PALLD: variants seen among roughly 807,000 people sequenced by gnomAD.
PALLD encodes palladin.
A neutral mutation model predicts 123.5 loss-of-function variants in PALLD; 61 were observed. That is an observed-to-expected ratio of 0.49 (90% CI 0.40 to 0.61). The LOEUF is 0.61. Ranked by LOEUF, PALLD falls within the 20% of genes least tolerant of loss-of-function variation. PALLD has a pLI of 0.00. For missense variants in PALLD, 1,273 were observed against 1,377.0 expected, an observed-to-expected ratio of 0.92 and a Z score of 1.20; for synonymous variants, 465 against 496.4, an observed-to-expected ratio of 0.94 and a Z score of 0.84.
At chr4:168,685,034 C>G (rs989202546) in intron 5 of PALLD, among the ~76,000 whole-genome samples, 7 of 152,144 alleles carry the variant, frequency 4.6e-5, no homozygotes, top group Admixed American at 1.3e-4. Context: ...CCCATAATCC[C>G]TATATCAAAA....
intron 3 of PALLD, among the ~76,000 whole-genome samples, chr4:168,675,944 T>C (rs1315777172): frequency 6.6e-6 from 1 of 152,044 alleles, no homozygotes; most frequent in Non-Finnish European, 1.5e-5. Flanking sequence ...TAGTCCCAGC[T>C]ACTTGGAAGG....
intron 6 of PALLD, among the ~76,000 whole-genome samples, chr4:168,689,248 G>C (rs1250187318): frequency 1.3e-5 from 2 of 152,048 alleles, no homozygotes; most frequent in Non-Finnish European, 2.9e-5. Context: ...ATTGGTTACA[G>C]AATTGGTTTT....
At chr4:168,696,289 A>G (rs540444013) in intron 8 of PALLD, among the ~76,000 whole-genome samples, 2 of 152,258 alleles carry the variant, frequency 1.3e-5, no homozygotes, top group Non-Finnish European at 2.9e-5. Context: ...CTGCTGGCCT[A>G]TGAACTTTAC....
At chr4:168,874,891 C>A (rs763859742) in intron 10 of PALLD, among the ~76,000 whole-genome samples, 3 of 151,834 alleles carry the variant, frequency 2.0e-5, no homozygotes, top group Non-Finnish European at 2.9e-5. Context: ...AGTGGGGAAT[C>A]GCTTAGATTT....
chr4:168,755,029 G>C (rs560886789), intron 10 of PALLD, among the ~76,000 whole-genome samples: 2 of 152,094 alleles, frequency 1.3e-5, no homozygotes, highest in African/African-American at 4.8e-5. Context: ...TCAGGAGATC[G>C]AGACCATCCT....
At chr4:168,809,854 A>G (rs1336492525) in intron 10 of PALLD, among the ~76,000 whole-genome samples, 1 of 134,598 alleles carries the variant, frequency 7.4e-6, no homozygotes, top group Non-Finnish European at 1.6e-5. Context: ...ACAGAGAGAG[A>G]CTCTGTCTCA....
intron 1 of PALLD, chr4:168,504,814 A>G (rs13113275): frequency 0.3 from 46,244 of 152,068 alleles, 7,480 homozygotes; most frequent in East Asian, 0.57. Flanking sequence ...AAATTTCAAA[A>G]TCTTTCAATG....
At chr4:168,639,036 T>C (rs1776630094) in intron 2 of PALLD, among the ~76,000 whole-genome samples, 1 of 152,194 alleles carries the variant, frequency 6.6e-6, no homozygotes, top group Non-Finnish European at 1.5e-5. Flanking sequence ...AAGGATCTTG[T>C]ACCTCTCCCC....
chr4:168,801,657 C>T (rs1353445254), intron 10 of PALLD, among the ~76,000 whole-genome samples: 3 of 152,168 alleles, frequency 2.0e-5, no homozygotes, highest in Non-Finnish European at 4.4e-5. Context: ...CGACCTGCCC[C>T]CAAGTCCCCC....
intron 1 of PALLD, among the ~76,000 whole-genome samples, chr4:168,508,613 G>T (rs1294087840): frequency 6.6e-6 from 1 of 151,992 alleles, no homozygotes; most frequent in African/African-American, 2.4e-5. Context: ...CTTTAGCACT[G>T]ATTTCAACAC....
At chr4:168,603,930 G>T (rs576719990) in intron 2 of PALLD, among the ~76,000 whole-genome samples, 1 of 152,336 alleles carries the variant, frequency 6.6e-6, no homozygotes, top group Admixed American at 6.5e-5. Flanking sequence ...TAGAAAGATA[G>T]TCTGCAGCAT....
At chr4:168,589,250 C>T (rs1771160305) in intron 2 of PALLD, among the ~76,000 whole-genome samples, 1 of 152,294 alleles carries the variant, frequency 6.6e-6, no homozygotes, top group East Asian at 1.9e-4. Flanking sequence ...ACAGCTGCAT[C>T]CACTGCAGGC....
chr4:168,897,572 A>G (rs572433380), intron 13 of PALLD, among the ~76,000 whole-genome samples: 2 of 152,158 alleles, frequency 1.3e-5, no homozygotes, highest in South Asian at 4.2e-4. Flanking sequence ...TCAGCCTCCC[A>G]AGTAGCTGGG....
Position 168,508,789 on chromosome 4 carries a change from C to A in PALLD, c.-82-2634C>A, listed in dbSNP as rs1165386442. Among the ~76,000 whole-genome samples the A allele has an allele frequency of 2.7e-5, 4 of 150,714 alleles. No homozygotes were observed. The East Asian group carries it at 7.8e-4, about 29-fold the overall frequency. ...CTACTTTCAGCCCCCGAGTCTCCCC[C>A]TCTCCACCTTCATGTCTCTTCTGGA... On this transcript the variant is annotated intron_variant, in intron 1 of 21. Coordinates refer to ENST00000505667, the MANE Select transcript of PALLD (RefSeq NM_001166108.2).
At chr4:168,853,373 C>T (rs1297666765) in intron 10 of PALLD, among the ~76,000 whole-genome samples, 2 of 152,162 alleles carry the variant, frequency 1.3e-5, no homozygotes, top group African/African-American at 4.8e-5. Flanking sequence ...ATCCTCCCTC[C>T]CAGCTCGCAT....
intron 10 of PALLD, among the ~76,000 whole-genome samples, chr4:168,715,389 C>T (rs1038063763): frequency 2.6e-5 from 4 of 152,172 alleles, no homozygotes; most frequent in East Asian, 1.9e-4. Flanking sequence ...TGTGCTTAAA[C>T]GCTGCACAAG....
chr4:168,590,203 G>A lies in PALLD; in HGVS notation c.908+77791G>A, dbSNP rs184698558. 2.0e-3 allele frequency among the ~76,000 whole-genome samples: 302 copies of A among 152,292 alleles called. 1 individual carries two copies. Among genetic ancestry groups the A allele is most frequent in the Non-Finnish European group, 3.1e-3 (214 of 68,012 alleles). ...GCATACAAAGAAAAATTAGCTTGCC[G>A]TGGTGGCAGTCGCCTATAATCCCAG... On this transcript the variant is annotated intron_variant, in intron 2 of 21. Coordinates refer to ENST00000505667, the MANE Select transcript of PALLD (RefSeq NM_001166108.2).
chr4:168,864,827 T>TA (rs1475048822), intron 10 of PALLD, among the ~76,000 whole-genome samples: 2 of 152,390 alleles, frequency 1.3e-5, no homozygotes, highest in South Asian at 2.1e-4. Flanking sequence ...GCAGCATTTT[T>TA]ATTGTATTGG....
At chr4:168,845,528 G>C (rs1168620477) in intron 10 of PALLD, among the ~76,000 whole-genome samples, 1 of 152,208 alleles carries the variant, frequency 6.6e-6, no homozygotes, top group Admixed American at 6.5e-5. Flanking sequence ...GGTATTATAA[G>C]TAATCTAGAG....
Sources: allele counts gnomAD v4.1 joint callset (sites outside exome capture counted in the v4.1 genomes callset), GRCh38; gene constraint gnomAD v4.1.1; transcripts MANE v1.5; gene names NCBI Gene and HGNC (gene_info 2026-07-23, HGNC 2026-07-21).